Variants in MTF2 observed in about 807,000 individuals in gnomAD.
The protein encoded by MTF2 is metal-response element-binding transcription factor 2.
Under a neutral mutation model 79.5 loss-of-function variants are expected in MTF2, and 11 were observed. The ratio of observed to expected loss-of-function variants is 0.14; its 90% confidence interval spans 0.09 to 0.23. The LOEUF is 0.23. MTF2 is among the 10% of genes least tolerant of loss of function. The pLI is 1.00. For missense variants in MTF2, 486 were observed against 711.2 expected (o/e 0.68, Z 3.60); for synonymous variants, 208 against 232.8 (o/e 0.89, Z 0.97).
chr1:93,126,124 A>AT (rs1656685106), intron 9 of MTF2, among the ~76,000 whole-genome samples: 1 of 150,776 alleles, frequency 6.6e-6, no homozygotes, highest in Non-Finnish European at 1.5e-5. Context: ...GTGGTTTGAT[A>AT]TAGGGGAATG....
chr1:93,107,709 ATT>A lies in MTF2; in HGVS notation c.6-2512_6-2511del, dbSNP rs35778433. ...ACGTTTTATATTGACCTTAATTACC[ATT>A]TTTTTTTTCGTTTGTTCTTGTGAAT... is the stretch of plus-strand genomic sequence containing the variant. On this transcript the variant is annotated intron_variant, in intron 1 of 14. Transcript: ENST00000370298. 6.2e-3 allele frequency among the ~76,000 whole-genome samples: 928 copies of A among 150,848 alleles called. 11 individuals are homozygous for A. The highest frequency in any genetic ancestry group is 0.02 in the African/African-American group (810 of 40,954).
At position 93,115,589 on chromosome 1, in the gene MTF2, G is replaced by A. The variant is rs775400665; in HGVS notation, c.603G>A (p.Gln201=). The A allele has an allele frequency of 1.4e-5, 22 of 1,609,386 alleles. No individual in the cohort carries two copies. The highest frequency in any genetic ancestry group is 1.9e-5 in the Non-Finnish European group (22 of 1,177,870). ...CAGGTCATAAAACCAATGTCCAGCA[G>A]TGTTACTGCTATTGTGGAGGCCCTG... is the stretch of plus-strand genomic sequence containing the variant. ...WDAGHKTNVQ[Q]CYCYCGGPGD... Residue 201 remains glutamine (Q), a synonymous_variant, in exon 6 of 15, where the codon CAG becomes CAA. Transcript: ENST00000370298.
chr1:93,100,748 T>G (rs190035556), intron 1 of MTF2, among the ~76,000 whole-genome samples: 1 of 152,336 alleles, frequency 6.6e-6, no homozygotes, highest in African/African-American at 2.4e-5. Flanking sequence ...GCAACGAGTC[T>G]CAGGCTTCAT....
chr1:93,099,066 G>A (rs146165908), intron 1 of MTF2, among the ~76,000 whole-genome samples: 381 of 152,304 alleles, frequency 2.5e-3, no homozygotes, highest in Middle Eastern at 3.4e-3. Context: ...AAAGAATGTA[G>A]AGAGGGTTTT....
At chr1:93,120,402 A>T in intron 8 of MTF2, 147 bp from the exon 9 acceptor site, 1 of 539,458 alleles carries the variant, frequency 1.9e-6, no homozygotes, top group Non-Finnish European at 2.9e-6. Flanking sequence ...AGTTATTTTT[A>T]TGTGTAGTGA....
Position 93,110,569 on chromosome 1 carries a change from T to G in MTF2, c.229T>G (p.Phe77Val), listed in dbSNP as rs1307477787. The change falls in exon 3 of 15, where the codon TTC (phenylalanine) becomes GTC (valine). Residue 77 changes from phenylalanine to valine, a missense_variant. Around this residue, in one of 4 missense-constraint regions of MTF2, gnomAD observed 177 missense variants for 364.0 expected, o/e 0.49. Transcript: ENST00000370298. ...KKINILKQSC[F>V]IIFEDSSKSW... Reference sequence around the variant, plus strand: ...GATAAACATATTGAAACAGAGCTGCTTCATCATATTTGAAGACAGTTCTAA... The same window carrying G: ...GATAAACATATTGAAACAGAGCTGCGTCATCATATTTGAAGACAGTTCTAA... The G allele has an allele frequency of 6.2e-7, 1 of 1,613,650 alleles. No individual in the cohort carries two copies. Among genetic ancestry groups the G allele is most frequent in the African/African-American group, 1.3e-5 (1 of 74,916 alleles).
At chr1:93,113,250 C>G (rs1223909075) in intron 3 of MTF2, among the ~76,000 whole-genome samples, 1 of 151,244 alleles carries the variant, frequency 6.6e-6, no homozygotes, top group Middle Eastern at 3.2e-3. Flanking sequence ...TGGTGACACA[C>G]ACGCCTGTGG....
chr1:93,120,772 C>T, intron 9 of MTF2, 100 bp downstream of exon 9: 3 of 1,511,206 alleles, frequency 2.0e-6, no homozygotes, highest in Non-Finnish European at 2.6e-6. Context: ...AGTCAGACAA[C>T]TAAAATAGAA....
At chr1:93,116,103 A>G (rs1459194927) in intron 6 of MTF2, among the ~76,000 whole-genome samples, 1 of 152,220 alleles carries the variant, frequency 6.6e-6, no homozygotes, top group Non-Finnish European at 1.5e-5. Context: ...TAGGGCACAG[A>G]TTGTAGTGCA....
intron 1 of MTF2, among the ~76,000 whole-genome samples, chr1:93,100,495 C>T (rs1002591740): frequency 2.0e-5 from 3 of 152,032 alleles, no homozygotes; most frequent in South Asian, 2.1e-4. Flanking sequence ...TTAGTAGAGA[C>T]GGAGTTTCAC....
At chr1:93,105,842 A>G (rs1430507060) in intron 1 of MTF2, among the ~76,000 whole-genome samples, 1 of 151,926 alleles carries the variant, frequency 6.6e-6, no homozygotes, top group Non-Finnish European at 1.5e-5. Flanking sequence ...CGCCCGGCTA[A>G]TTTTTGTATT....
chr1:93,092,925 G>A (rs1283760274), intron 1 of MTF2, among the ~76,000 whole-genome samples: 1 of 152,190 alleles, frequency 6.6e-6, no homozygotes, highest in African/African-American at 2.4e-5. Flanking sequence ...GCTCACACCT[G>A]TAATCCCAGC....
chr1:93,114,238 A>G (rs183595842), intron 3 of MTF2, among the ~76,000 whole-genome samples: 25 of 152,352 alleles, frequency 1.6e-4, no homozygotes, highest in African/African-American at 6.0e-4. Context: ...AGAAAGAGGT[A>G]GTTTACTTAT....
chr1:93,107,924 G>A (rs547386974), intron 1 of MTF2, among the ~76,000 whole-genome samples: 1 of 152,170 alleles, frequency 6.6e-6, no homozygotes, highest in Admixed American at 6.5e-5. Flanking sequence ...GGGACCACAG[G>A]CACGTGCCAC....
intron 5 of MTF2, among the ~76,000 whole-genome samples, 168 bp downstream of exon 5, chr1:93,115,256 G>A (rs1656202932): frequency 6.6e-6 from 1 of 152,172 alleles, no homozygotes; most frequent in Admixed American, 6.5e-5. Context: ...TTTTAATGAT[G>A]CTTTCACTTA....
At chr1:93,133,456 A>G (rs1647225692) in intron 11 of MTF2, among the ~76,000 whole-genome samples, 1 of 152,126 alleles carries the variant, frequency 6.6e-6, no homozygotes, top group Non-Finnish European at 1.5e-5. Flanking sequence ...GTTCAGAATT[A>G]TATTAAAGAG....
At chr1:93,101,649 C>T (rs1655552066) in intron 1 of MTF2, among the ~76,000 whole-genome samples, 1 of 131,344 alleles carries the variant, frequency 7.6e-6, no homozygotes, top group Admixed American at 9.5e-5. Flanking sequence ...GCAGTCACAG[C>T]TCACTGCAGC....
chr1:93,127,135 A>G (rs489183), intron 9 of MTF2, 97 bp from the exon 10 acceptor site: 2 of 794,512 alleles, frequency 2.5e-6, no homozygotes, highest in Admixed American at 4.0e-5. Context: ...ACCAATCAGT[A>G]CACTTTTCCT....
chr1:93,105,159 AAAG>A (rs1250269507), intron 1 of MTF2, among the ~76,000 whole-genome samples: 1 of 151,590 alleles, frequency 6.6e-6, no homozygotes, highest in African/African-American at 2.4e-5. Context: ...AAAAAAAAAA[AAAG>A]AGACAGACAT....
Sources: gnomAD v4.1 joint callset for allele counts (sites outside exome capture counted in the v4.1 genomes callset) on GRCh38, gnomAD v4.1.1 for gene constraint, gnomAD v4.1.1 regional missense constraint, MANE v1.5 for transcripts, NCBI Gene and HGNC (gene_info 2026-07-23, HGNC 2026-07-21) for gene names.